Variants in ACSS1 observed in about 807,000 individuals in gnomAD.
ACSS1 encodes the protein acetyl-coenzyme A synthetase 2-like, mitochondrial.
Under a neutral mutation model 75.3 loss-of-function variants are expected in ACSS1, and 42 were observed. That is an observed-to-expected ratio of 0.56 (90% CI 0.44 to 0.72). ACSS1 has a LOEUF of 0.72. ACSS1 is among the 30% of genes least tolerant of loss of function. ACSS1 has a pLI of 0.00. For missense variants in ACSS1, 782 were observed against 935.7 expected, an observed-to-expected ratio of 0.84 and a Z score of 2.14; for synonymous variants, 380 against 376.8, an observed-to-expected ratio of 1.01 and a Z score of -0.10.
chr20:25,056,945 G>A (rs1846562384), intron 1 of ACSS1, among the ~76,000 whole-genome samples: 1 of 152,168 alleles, frequency 6.6e-6, no homozygotes, highest in Admixed American at 6.5e-5. Flanking sequence ...CCCCCTCGGT[G>A]CCCAGTCAGC....
At chr20:25,036,147 A>G (rs76323184) in intron 2 of ACSS1, among the ~76,000 whole-genome samples, 2,436 of 152,334 alleles carry the variant, frequency 0.016, 84 homozygotes, top group African/African-American at 0.055. Flanking sequence ...TTGTTCAGGT[A>G]CTGAGCAGGA....
intron 2 of ACSS1, among the ~76,000 whole-genome samples, chr20:25,039,437 A>C (rs1220268099): frequency 1.3e-5 from 2 of 152,224 alleles, no homozygotes; most frequent in Non-Finnish European, 2.9e-5. Context: ...TTATTCTAAG[A>C]ATGAACCTGA....
chr20:25,043,177 G>A (rs929006458), intron 2 of ACSS1, among the ~76,000 whole-genome samples: 1 of 151,982 alleles, frequency 6.6e-6, no homozygotes, highest in Non-Finnish European at 1.5e-5. Context: ...TCCTGCCTTC[G>A]CCACACTTCC....
chr20:25,027,670 T>C (rs923097579), intron 3 of ACSS1, among the ~76,000 whole-genome samples: 2 of 151,224 alleles, frequency 1.3e-5, no homozygotes, highest in South Asian at 2.1e-4. Context: ...ATCATATTAA[T>C]GGTAAAAGAC....
chr20:25,032,354 G>A, intron 2 of ACSS1: 3 of 1,345,872 alleles, frequency 2.2e-6, no homozygotes, highest in Non-Finnish European at 2.9e-6. Context: ...GAGCAGGCGA[G>A]AGCCGCCAAC....
intron 2 of ACSS1, among the ~76,000 whole-genome samples, chr20:25,040,256 T>C (rs1175961354): frequency 1.3e-5 from 2 of 152,204 alleles, no homozygotes; most frequent in African/African-American, 2.4e-5. Context: ...CCCATTCGGC[T>C]GCCACAGACA....
In ACSS1 at chr20:25,015,221, G is replaced by T. The variant is rs1377352714; in HGVS notation, c.1256C>A (p.Pro419His). Residue 419 changes from proline to histidine, a missense_variant, in exon 8 of 14, where the codon CCC (proline) becomes CAC (histidine). Physicochemically the swap from Pro to His is moderately conservative, Grantham distance 77. This residue lies in a region of ACSS1 where 405 missense variants were observed against 552.6 expected (regional missense o/e 0.73). Transcript: ENST00000323482. ...CCACTCCCAGGCCTCACAGTTGATG[G>T]GCTCTCCCACTGAAACCACACAGAA... ...SLRTLGSVGE[P>H]INCEAWEWLH... 2 of 1,609,494 alleles carry T rather than the reference G, an allele frequency of 1.2e-6. No individual in the cohort carries two copies. The highest frequency in any genetic ancestry group is 1.1e-5 in the South Asian group (1 of 90,912).
At chr20:25,041,695 A>G (rs1036438856) in intron 2 of ACSS1, among the ~76,000 whole-genome samples, 5 of 118,942 alleles carry the variant, frequency 4.2e-5, no homozygotes, top group African/African-American at 1.6e-4. Context: ...TGTGAAGTCC[A>G]AAAATCTAAT....
At chr20:25,023,294 C>G (rs2088657335) in intron 4 of ACSS1, among the ~76,000 whole-genome samples, 172 bp downstream of exon 4, 1 of 152,210 alleles carries the variant, frequency 6.6e-6, no homozygotes, top group Admixed American at 6.5e-5. Flanking sequence ...TTCCAACATG[C>G]TTGTCGTATA....
chr20:25,055,655 A>G (rs74173664), intron 1 of ACSS1, among the ~76,000 whole-genome samples: 6 of 152,112 alleles, frequency 3.9e-5, no homozygotes, highest in Non-Finnish European at 7.4e-5. Flanking sequence ...CAGAATTTGT[A>G]TTTCTCAAAA....
chr20:25,020,219 A>G, intron 6 of ACSS1, 72 bp from the exon 7 acceptor site: 1 of 1,597,154 alleles, frequency 6.3e-7, no homozygotes, highest in Non-Finnish European at 8.6e-7. Flanking sequence ...AGATCAGCCA[A>G]GACTTCCTGA....
intron 3 of ACSS1, among the ~76,000 whole-genome samples, chr20:25,028,289 G>A (rs544533938): frequency 6.8e-4 from 104 of 152,232 alleles, no homozygotes; most frequent in Non-Finnish European, 1.2e-3. Context: ...AAGAAAGCAA[G>A]AAGAGCCAAA....
At chr20:25,013,743 A>G (rs1243640692) in intron 9 of ACSS1, 81 bp from the exon 10 acceptor site, 25 of 1,523,032 alleles carry the variant, frequency 1.6e-5, no homozygotes, top group Non-Finnish European at 2.1e-5. Flanking sequence ...CCTGCCCTCA[A>G]GGGAGCTGTC....
chr20:25,023,121 C>A, intron 4 of ACSS1, 29 bp from the exon 5 acceptor site: 1 of 1,600,002 alleles, frequency 6.2e-7, no homozygotes, highest in Non-Finnish European at 8.5e-7. Context: ...AAACAGCCCA[C>A]CGAGGGCACT....
rs1359256546 is a variant in ACSS1, at chr20:25,012,919, C to T, written c.1600G>A (p.Gly534Arg). ...AYPGYYFTGDGAYRTEGGYYQ... is the reference protein window; with the variant it reads ...AYPGYYFTGDRAYRTEGGYYQ... ...TAGCCGCCCTCAGTTCGGTAAGCCC[C>T]GTCTCCAGTGAAGTAATAGCCTGCA... Residue 534 changes from glycine (G) to arginine (R), a missense_variant, in exon 11 of 14, where the codon GGG (glycine) becomes AGG (arginine). Transcript: ENST00000323482. The T allele has an allele frequency of 3.1e-6, 5 of 1,614,178 alleles. No homozygotes were observed. Among genetic ancestry groups the T allele is most frequent in the Non-Finnish European group, 4.2e-6 (5 of 1,180,030 alleles).
chr20:25,013,082 T>C (rs2122593009), intron 10 of ACSS1, 143 bp from the exon 11 acceptor site: 2 of 1,278,912 alleles, frequency 1.6e-6, no homozygotes, highest in South Asian at 2.8e-5. Flanking sequence ...TGCTTCCCTA[T>C]GTTCTAGAGC....
At chr20:25,040,290 T>C (rs562584738) in intron 2 of ACSS1, among the ~76,000 whole-genome samples, 1 of 152,292 alleles carries the variant, frequency 6.6e-6, no homozygotes, top group East Asian at 1.9e-4. Flanking sequence ...GGCAGCCAAC[T>C]TCACACAGAA....
At chr20:25,013,790 G>A (rs772421325) in intron 9 of ACSS1, 128 bp from the exon 10 acceptor site, 12 of 1,398,552 alleles carry the variant, frequency 8.6e-6, no homozygotes, top group Non-Finnish European at 1.1e-5. Context: ...AGGGCCCCAA[G>A]CCACCTGTGT....
intron 2 of ACSS1, among the ~76,000 whole-genome samples, chr20:25,047,637 G>A (rs1469069349): frequency 6.6e-6 from 1 of 152,158 alleles, no homozygotes; most frequent in Non-Finnish European, 1.5e-5. Flanking sequence ...ATCTCTGTAA[G>A]GGTAAGGTGA....
Sources: allele counts gnomAD v4.1 joint callset (sites outside exome capture counted in the v4.1 genomes callset), GRCh38; gene constraint gnomAD v4.1.1; regional missense constraint gnomAD v4.1.1; transcripts MANE v1.5; gene names NCBI Gene and HGNC (gene_info 2026-07-23, HGNC 2026-07-21).